ZNF540: variants seen among roughly 807,000 people sequenced by gnomAD.
ZNF540 encodes the protein zinc finger protein 540.
A neutral mutation model predicts 11.8 loss-of-function variants in ZNF540; 3 were observed. That is an observed-to-expected ratio of 0.25 (90% confidence interval 0.12 to 0.65). The LOEUF (loss-of-function observed/expected upper bound fraction) is 0.65. Ranked by LOEUF, ZNF540 falls within the 30% of genes least tolerant of loss-of-function variation. The pLI is 0.83. For synonymous variants in ZNF540, 247 were observed against 259.0 expected (o/e 0.95, Z 0.45); for missense variants, 709 against 793.1 (o/e 0.89, Z 1.27).
At chr19:37,577,179 A>G (rs1191257786) in intron 1 of ZNF540, among the ~76,000 whole-genome samples, 2 of 152,202 alleles carry the variant, frequency 1.3e-5, no homozygotes, top group Non-Finnish European at 2.9e-5. Flanking sequence ...GAATAGGGCC[A>G]TGAAGTACGC....
intron 1 of ZNF540, among the ~76,000 whole-genome samples, chr19:37,571,244 T>A (rs1311899782): frequency 6.6e-6 from 1 of 152,088 alleles, no homozygotes; most frequent in Non-Finnish European, 1.5e-5. Context: ...ATGCCTGTAA[T>A]CCCAGCATGG....
At chr19:37,565,843 A>G (rs200397796) in intron 1 of ZNF540, 2 of 1,613,788 alleles carry the variant, frequency 1.2e-6, no homozygotes, top group Non-Finnish European at 1.7e-6. Context: ...CCATACACTC[A>G]TAAGGTTTCT....
At chr19:37,584,963 C>CA (rs566166777) in intron 1 of ZNF540, 35,859 of 97,136 alleles carry the variant, frequency 0.37, 5,527 homozygotes, top group Middle Eastern at 0.47. Context: ...GACTCCGTCT[C>CA]AAAAAAAAAA....
intron 1 of ZNF540, among the ~76,000 whole-genome samples, chr19:37,552,963 T>C (rs2042621646): frequency 6.6e-6 from 1 of 150,884 alleles, no homozygotes; most frequent in African/African-American, 2.4e-5. Context: ...AAAAAGACAA[T>C]TTGTTTTATG....
chr19:37,555,947 A>G (rs1214897096), intron 1 of ZNF540: 4 of 700,840 alleles, frequency 5.7e-6, no homozygotes, highest in African/African-American at 1.7e-5. Flanking sequence ...CACATGTCCA[A>G]TCAGGGCAGA....
chr19:37,560,149 G>T (rs1173505366), intron 1 of ZNF540, among the ~76,000 whole-genome samples: 2 of 151,758 alleles, frequency 1.3e-5, no homozygotes, highest in African/African-American at 4.8e-5. Flanking sequence ...ATGGTGGCAG[G>T]CGCCTGTAAT....
intron 1 of ZNF540, among the ~76,000 whole-genome samples, chr19:37,557,874 GGCTTGCTGTAGCGGCTACT>G (rs1385790950): frequency 6.6e-6 from 1 of 151,860 alleles, no homozygotes; most frequent in East Asian, 1.9e-4. Flanking sequence ...TCTTGGACTA[GGCTTGCTGTAGCGGCTACT>G]GCTTGGCTCG....
chr19:37,572,993 C>A (rs115066343), intron 1 of ZNF540, among the ~76,000 whole-genome samples: 6 of 152,142 alleles, frequency 3.9e-5, no homozygotes, highest in Admixed American at 3.9e-4. Flanking sequence ...GTACTAGTAG[C>A]TTCTTTCATC....
chr19:37,564,889 A>G (rs2147147814), intron 1 of ZNF540: 1 of 1,614,114 alleles, frequency 6.2e-7, no homozygotes, highest in East Asian at 2.2e-5. Flanking sequence ...GTTGTGAGCC[A>G]TAAATAAAGG....
Position 37,611,557 on chromosome 19 carries a change from G to C in ZNF540, c.277G>C (p.Asp93His). 6.8e-6 allele frequency: 11 copies of C among 1,607,856 alleles called. No homozygotes were observed. Among genetic ancestry groups the C allele is most frequent in the Non-Finnish European group, 9.3e-6 (11 of 1,177,810 alleles). Residue 93 changes from aspartate to histidine, a missense_variant, in exon 5 of 5, where the codon GAC becomes CAC. Coordinates refer to ENST00000316433, the MANE Select transcript of ZNF540 (RefSeq NM_001172225.3). ...GACCAAGAAATTATCTTCAGAAAAGGACATTCATGAAATCAGTTTATCCAA... is the reference window on the plus strand; with the variant it reads ...GACCAAGAAATTATCTTCAGAAAAGCACATTCATGAAATCAGTTTATCCAA... Reference protein sequence around the residue: ...HKTKKLSSEKDIHEISLSKES... With the variant: ...HKTKKLSSEKHIHEISLSKES...
chr19:37,564,885 A>G (rs534120860), intron 1 of ZNF540: 28 of 1,613,870 alleles, frequency 1.7e-5, no homozygotes, highest in Non-Finnish European at 2.3e-5. Flanking sequence ...CTAAGTTGTG[A>G]GCCATAAATA....
chr19:37,585,677 T>C (rs2043646228), intron 1 of ZNF540: 1 of 152,230 alleles, frequency 6.6e-6, no homozygotes, highest in East Asian at 1.9e-4. Context: ...CTTTCACCAA[T>C]GCTCATCTCT....
chr19:37,584,778 C>G (rs59178044), intron 1 of ZNF540, among the ~76,000 whole-genome samples: 2 of 151,778 alleles, frequency 1.3e-5, no homozygotes, highest in African/African-American at 2.4e-5. Context: ...CTGGCTAACA[C>G]GGTGAAACCC....
rs139704284 is a variant in ZNF540, at chr19:37,564,779, C to T, written c.-73+13114C>T. The stretch of plus-strand genomic sequence containing the variant: ...ATAGGGTTTCTCTCCAGTATGAGTT[C>T]TCAGATGTTCAGTAAGGTGTGAGCC... On this transcript the variant is annotated intron_variant, in intron 1 of 4. Transcript: ENST00000592533. 313 of 1,613,826 alleles carry T rather than the reference C, an allele frequency of 1.9e-4. No homozygotes were observed. The highest frequency in any genetic ancestry group is 1.7e-4 in the Admixed American group (10 of 59,976).
In ZNF540 at chr19:37,569,626, A is replaced by G. The variant is rs866209076; in HGVS notation, c.-73+17961A>G. ...GCTTATAACCTACTAGGTTGTATTC[A>G]TAACCTCTAGCAGGTTCTGCCCGGC... On this transcript the variant is annotated intron_variant, in intron 1 of 4. Transcript: ENST00000592533. This position sits in a 1 kb window ranked among gnomAD's most constrained non-coding sequence, Gnocchi z 4.4. 1.2e-4 allele frequency among the ~76,000 whole-genome samples: 18 copies of G among 152,176 alleles called. No homozygotes were observed. Among genetic ancestry groups the G allele is most frequent in the Middle Eastern group, 3.2e-3 (1 of 316 alleles).
rs530894147 is a variant in ZNF540, at chr19:37,563,058, G to A, written c.-73+11393G>A. On this transcript the variant is annotated intron_variant, in intron 1 of 4. Coordinates refer to the ZNF540 transcript ENST00000592533. ...AAATAAAATAATGGGGCCAGATGTG[G>A]TGGCTCACATTTGTAATCCCAGCAC... 7 of 152,246 alleles carry A rather than the reference G, an allele frequency of 4.6e-5. No individual in the cohort carries two copies. In the South Asian group the frequency reaches 1.5e-3, roughly 32 times the overall value. 9.4% of individuals were successfully genotyped at this position (152,246 alleles called of 1,614,324 possible).
upstream of ZNF540, among the ~76,000 whole-genome samples, chr19:37,590,330 C>T (rs944116229): frequency 4.6e-5 from 7 of 151,770 alleles, no homozygotes; most frequent in East Asian, 3.9e-4. Flanking sequence ...GGCAGGAGAA[C>T]GGCGTGAACC....
chr19:37,599,824 G>T, intron 3 of ZNF540, 72 bp downstream of exon 3: 1 of 1,451,144 alleles, frequency 6.9e-7, no homozygotes. Flanking sequence ...ACAAATTTAG[G>T]ACTAATTATT....
intron 4 of ZNF540, among the ~76,000 whole-genome samples, chr19:37,602,863 A>C (rs185595501): frequency 6.6e-6 from 1 of 152,308 alleles, no homozygotes; most frequent in East Asian, 1.9e-4. Context: ...AGGTGAAAAA[A>C]GCCTGCTAGA....
Sources: allele counts gnomAD v4.1 joint callset (sites outside exome capture counted in the v4.1 genomes callset), GRCh38; gene constraint gnomAD v4.1.1; non-coding constraint Gnocchi (gnomAD v3.1); transcripts MANE v1.5; gene names NCBI Gene and HGNC (gene_info 2026-07-23, HGNC 2026-07-21).